SLC44A2: variants seen among roughly 807,000 people sequenced by gnomAD.
The protein encoded by SLC44A2 is solute carrier family 44 member 2 (CTL2 blood group).
Under a neutral mutation model 90.8 loss-of-function variants are expected in SLC44A2, and 57 were observed. That is an observed-to-expected ratio of 0.63 (90% CI 0.51 to 0.78). The LOEUF (loss-of-function observed/expected upper bound fraction) is 0.78, where lower values mean the gene tolerates loss of function less well. SLC44A2 is among the 30% of genes least tolerant of loss of function. The pLI, the probability that SLC44A2 is intolerant of heterozygous loss-of-function variation, is 0.00. For synonymous variants in SLC44A2, 355 were observed against 360.7 expected, an observed-to-expected ratio of 0.98 and a Z score of 0.18; for missense variants, 794 against 919.7, an observed-to-expected ratio of 0.86 and a Z score of 1.77.
chr19:10,614,972 A>G (rs1422279306), intron 1 of SLC44A2, among the ~76,000 whole-genome samples: 2 of 147,416 alleles, frequency 1.4e-5, no homozygotes, highest in Non-Finnish European at 3.0e-5. Context: ...CTCCGTCTCA[A>G]AAAAAAAAAA....
intron 1 of SLC44A2, among the ~76,000 whole-genome samples, chr19:10,608,480 T>G (rs1918181466): frequency 6.6e-6 from 1 of 151,968 alleles, no homozygotes; most frequent in African/African-American, 2.4e-5. Flanking sequence ...AATACATACA[T>G]AAAAGGGCAT....
chr19:10,618,816 C>T (rs7246323), intron 1 of SLC44A2, among the ~76,000 whole-genome samples: 7,063 of 151,926 alleles, frequency 0.046, 197 homozygotes, highest in South Asian at 0.12. Flanking sequence ...TCAGGCAATC[C>T]GCCTGCTTCA....
At chr19:10,624,249 G>A (rs1304054418), upstream of SLC44A2, among the ~76,000 whole-genome samples, 1 of 152,008 alleles carries the variant, frequency 6.6e-6, no homozygotes, top group Non-Finnish European at 1.5e-5. Flanking sequence ...GCCCACCTCG[G>A]CCTCCCAAAG....
At chr19:10,614,697 G>A (rs2066840894) in intron 1 of SLC44A2, among the ~76,000 whole-genome samples, 1 of 152,134 alleles carries the variant, frequency 6.6e-6, no homozygotes, top group African/African-American at 2.4e-5. Flanking sequence ...GTGGCTGGGC[G>A]CGGTGGCTCA....
intron 2 of SLC44A2, 133 bp downstream of exon 2, chr19:10,626,434 A>G (rs2066934587): frequency 1.4e-6 from 1 of 707,670 alleles, no homozygotes; most frequent in African/African-American, 1.8e-5. Context: ...TTTGAGATGG[A>G]GTCTTGCTCT....
At chr19:10,611,077 A>C (rs1268633189) in intron 1 of SLC44A2, among the ~76,000 whole-genome samples, 1 of 152,126 alleles carries the variant, frequency 6.6e-6, no homozygotes, top group East Asian at 1.9e-4. Flanking sequence ...TCCCCGGCTG[A>C]AGCGATCCTT....
intron 1 of SLC44A2, among the ~76,000 whole-genome samples, chr19:10,617,207 A>C (rs1331213390): frequency 6.6e-6 from 1 of 152,142 alleles, no homozygotes; most frequent in Non-Finnish European, 1.5e-5. Flanking sequence ...GGCATGAGCA[A>C]CCACGCCCAG....
chr19:10,632,395 G>T (rs2067006960), intron 10 of SLC44A2, among the ~76,000 whole-genome samples: 1 of 151,834 alleles, frequency 6.6e-6, no homozygotes. Flanking sequence ...AATCAGCCGG[G>T]CATGGAGGTG....
chr19:10,627,812 C>G lies in SLC44A2; in HGVS notation c.160+17C>G. On this transcript the variant is annotated intron_variant, in intron 3 of 21. Transcript: ENST00000335757. ...GCATCATAGGTGAGTAGAGAATGAG[C>G]AGGACTTGGAGTTGCAGGGTAGGCG... 9.9e-6 allele frequency: 16 copies of G among 1,614,004 alleles called. No individual in the cohort carries two copies. Among genetic ancestry groups the G allele is most frequent in the Non-Finnish European group, 1.4e-5 (16 of 1,179,948 alleles).
chr19:10,630,680 A>T (rs1235743431), intron 4 of SLC44A2, among the ~76,000 whole-genome samples: 4 of 150,386 alleles, frequency 2.7e-5, no homozygotes, highest in Non-Finnish European at 5.9e-5. Flanking sequence ...AAAAGAGAAA[A>T]ATAAAAAAAG....
intron 4 of SLC44A2, 30 bp from the exon 5 acceptor site, chr19:10,631,025 AAC>A: frequency 6.8e-7 from 1 of 1,476,408 alleles, no homozygotes; most frequent in Non-Finnish European, 9.4e-7. Context: ...AAAAAATCTT[AAC>A]AGTTTCCATT....
chr19:10,618,654 T>C (rs1488602370), intron 1 of SLC44A2, among the ~76,000 whole-genome samples: 2 of 151,914 alleles, frequency 1.3e-5, no homozygotes, highest in African/African-American at 4.8e-5. Flanking sequence ...TAATTTTTTG[T>C]ATTTTTAGTA....
At chr19:10,605,452 T>C (rs1470585909) in intron 1 of SLC44A2, among the ~76,000 whole-genome samples, 2 of 151,958 alleles carry the variant, frequency 1.3e-5, no homozygotes, top group African/African-American at 4.8e-5. Flanking sequence ...AGGCAGAGGT[T>C]GCGGTGAGCC....
chr19:10,614,108 G>A (rs773961297), intron 1 of SLC44A2, among the ~76,000 whole-genome samples: 7 of 151,926 alleles, frequency 4.6e-5, no homozygotes, highest in Admixed American at 6.6e-5. Flanking sequence ...TGGAATTACA[G>A]GTGCACACCA....
At chr19:10,633,997 GTC>G (rs1291201630) in intron 10 of SLC44A2, among the ~76,000 whole-genome samples, 7 of 92,440 alleles carry the variant, frequency 7.6e-5, no homozygotes, top group African/African-American at 1.0e-4. Flanking sequence ...TTGAGACAGA[GTC>G]TCTCACTGTC....
intron 1 of SLC44A2, among the ~76,000 whole-genome samples, chr19:10,613,521 GA>G (rs2066830496): frequency 6.6e-6 from 1 of 152,140 alleles, no homozygotes; most frequent in African/African-American, 2.4e-5. Flanking sequence ...AAAGTGCTGG[GA>G]TTACAGGTGT....
chr19:10,614,359 G>T lies in SLC44A2; in HGVS notation c.31+11798G>T, dbSNP rs575720861. ...CATTTGACCCTCAAACCACATGGGT[G>T]TGAGGGGCACCAACCCCCTGTGAAA... On this transcript the variant is annotated intron_variant, in intron 1 of 21. Coordinates refer to the SLC44A2 transcript ENST00000407327. 5.3e-5 allele frequency among the ~76,000 whole-genome samples: 8 copies of T among 152,198 alleles called. No individual in the cohort carries two copies. In the South Asian group the frequency reaches 1.2e-3, roughly 24 times the overall value.
chr19:10,625,990 A>G (rs2144840548), intron 1 of SLC44A2, among the ~76,000 whole-genome samples: 1 of 152,110 alleles, frequency 6.6e-6, no homozygotes, highest in African/African-American at 2.4e-5. Flanking sequence ...TCACCATTTC[A>G]GCCCTCTTCC....
rs988153121 is a variant in SLC44A2 at position 10,604,940 on chromosome 19, G to A, written c.31+2379G>A. Reference sequence around the variant, plus strand: ...TGGGGAAATGGCTCTGGGCCCCGGCGGATGTCAGCAATGGGCATTGCCATC... The same window carrying A: ...TGGGGAAATGGCTCTGGGCCCCGGCAGATGTCAGCAATGGGCATTGCCATC... On this transcript the variant is annotated intron_variant, in intron 1 of 21. Coordinates refer to the SLC44A2 transcript ENST00000407327. Among the ~76,000 whole-genome samples, 6 of 152,136 alleles carry A rather than the reference G, an allele frequency of 3.9e-5. No individual in the cohort carries two copies. In the East Asian group the frequency reaches 5.8e-4, roughly 15 times the overall value.
Sources: gnomAD v4.1 joint callset for allele counts (sites outside exome capture counted in the v4.1 genomes callset) on GRCh38, gnomAD v4.1.1 for gene constraint, MANE v1.5 for transcripts, NCBI Gene and HGNC (gene_info 2026-07-23, HGNC 2026-07-21) for gene names.